Variants in SLCO2A1 observed in about 807,000 individuals in gnomAD.
SLCO2A1 encodes solute carrier organic anion transporter family member 2A1, also known as matrin F/G 1.
In SLCO2A1, 60 loss-of-function variants were observed where a neutral mutation model predicts 71.7. That is an observed-to-expected ratio of 0.84 (90% CI 0.68 to 1.04). The LOEUF (loss-of-function observed/expected upper bound fraction) is 1.04, where lower values mean the gene tolerates loss of function less well. SLCO2A1 is among the 50% of genes least tolerant of loss of function. SLCO2A1 has a pLI of 0.00. For missense variants in SLCO2A1, 745 were observed against 813.4 expected (o/e 0.92, Z 1.02); for synonymous variants, 308 against 326.7 (o/e 0.94, Z 0.62).
At chr3:133,941,697 C>T (rs1933426447) in intron 11 of SLCO2A1, among the ~76,000 whole-genome samples, 1 of 152,124 alleles carries the variant, frequency 6.6e-6, no homozygotes, top group African/African-American at 2.4e-5. Context: ...TCCTCCCCTC[C>T]AGCTCTGGCC....
chr3:133,981,331 G>A (rs1227257654), intron 1 of SLCO2A1, among the ~76,000 whole-genome samples: 6 of 152,268 alleles, frequency 3.9e-5, no homozygotes, highest in South Asian at 4.2e-4. Context: ...AAATTGCCTC[G>A]TTCCTAGGTC....
chr3:133,934,836 G>A lies in SLCO2A1; in HGVS notation c.1815-6C>T. On this transcript the variant is annotated splice_polypyrimidine_tract_variant and splice_region_variant and intron_variant, in intron 13 of 13. Transcript: ENST00000310926. ...CCATCTGCAGGCCCAGGTACCTGTG[G>A]GCAGGAGGAGGCAGGACTGGTGAGG... 1 of 1,603,266 alleles carries A rather than the reference G, an allele frequency of 6.2e-7. No individual in the cohort carries two copies. The highest frequency in any genetic ancestry group is 2.2e-5 in the East Asian group (1 of 44,812).
At chr3:134,007,925 T>C (rs62272009) in intron 1 of SLCO2A1, among the ~76,000 whole-genome samples, 17,962 of 152,290 alleles carry the variant, frequency 0.12, 1,247 homozygotes, top group South Asian at 0.28. Flanking sequence ...AGTTCTGCCA[T>C]GTATTTAAAT....
chr3:133,944,949 TG>T, intron 10 of SLCO2A1, 145 bp downstream of exon 10: 1 of 930,838 alleles, frequency 1.1e-6, no homozygotes, highest in Non-Finnish European at 1.6e-6. Flanking sequence ...AGGTTGGATG[TG>T]GCTCAGAGGA....
At chr3:133,953,808 T>G (rs772373369) in intron 4 of SLCO2A1, 47 bp from the exon 5 acceptor site, 1 of 1,510,996 alleles carries the variant, frequency 6.6e-7, no homozygotes, top group South Asian at 1.1e-5. Context: ...ATGGAGAGAG[T>G]TTGGCAGCCT....
chr3:134,018,388 T>G (rs1259282489), intron 1 of SLCO2A1, among the ~76,000 whole-genome samples: 1 of 152,140 alleles, frequency 6.6e-6, no homozygotes, highest in Non-Finnish European at 1.5e-5. Flanking sequence ...CCAAGATGCC[T>G]CCCCATTGCT....
chr3:133,953,840 A>T, intron 4 of SLCO2A1, 79 bp from the exon 5 acceptor site: 1 of 1,063,242 alleles, frequency 9.4e-7, no homozygotes, highest in Non-Finnish European at 1.5e-6. Context: ...GCTGAGGGGG[A>T]GTCTTGAGAT....
intron 1 of SLCO2A1, among the ~76,000 whole-genome samples, chr3:134,021,997 G>A (rs146875485): frequency 8.2e-6 from 1 of 122,136 alleles, no homozygotes; most frequent in Non-Finnish European, 1.7e-5. Context: ...AAAAAAAAAA[G>A]TAAAAAAAAA....
rs147996612 is a variant in SLCO2A1, at chr3:134,006,036, T to A, written c.96+23671A>T. 6.3e-3 allele frequency among the ~76,000 whole-genome samples: 964 copies of A among 152,206 alleles called. 9 individuals carry two copies. Among genetic ancestry groups the A allele is most frequent in the African/African-American group, 0.022 (901 of 41,520 alleles). ...TTTAAAAATTGTGATAAAATGTGTG[T>A]AACATAAAACTTGCCATCTTACCCT... is the stretch of plus-strand genomic sequence containing the variant. On this transcript the variant is annotated intron_variant, in intron 1 of 13. Transcript: ENST00000310926.
intron 1 of SLCO2A1, among the ~76,000 whole-genome samples, chr3:133,987,497 C>G (rs897106366): frequency 6.6e-6 from 1 of 151,978 alleles, no homozygotes; most frequent in African/African-American, 2.4e-5. Context: ...TACCTATAAA[C>G]TGGAAGTCCT....
intron 1 of SLCO2A1, among the ~76,000 whole-genome samples, chr3:133,980,167 T>G (rs1559944275): frequency 6.6e-6 from 1 of 152,248 alleles, no homozygotes; most frequent in African/African-American, 2.4e-5. Context: ...TAAGGCACCA[T>G]GATGCAATCC....
chr3:134,011,864 A>G (rs1313959805), intron 1 of SLCO2A1, among the ~76,000 whole-genome samples: 1 of 152,124 alleles, frequency 6.6e-6, no homozygotes, highest in Non-Finnish European at 1.5e-5. Flanking sequence ...GAGCAGTGAG[A>G]GCTGGGGTGT....
chr3:133,962,830 C>A (rs1357936974), intron 3 of SLCO2A1, among the ~76,000 whole-genome samples: 2 of 152,196 alleles, frequency 1.3e-5, no homozygotes, highest in African/African-American at 4.8e-5. Flanking sequence ...AACATGCCTG[C>A]CTTTTCCTGC....
At chr3:134,011,253 A>G (rs1032739614) in intron 1 of SLCO2A1, among the ~76,000 whole-genome samples, 5 of 152,058 alleles carry the variant, frequency 3.3e-5, no homozygotes, top group African/African-American at 1.2e-4. Flanking sequence ...GTTTCACCAT[A>G]TTGGCTAGGC....
chr3:133,981,411 C>T (rs1000520818), intron 1 of SLCO2A1, among the ~76,000 whole-genome samples: 10 of 152,172 alleles, frequency 6.6e-5, no homozygotes, highest in Non-Finnish European at 1.3e-4. Context: ...GTTTTCCCAA[C>T]TGCAAGGTAA....
At chr3:133,980,934 G>A (rs1934574140) in intron 1 of SLCO2A1, among the ~76,000 whole-genome samples, 1 of 152,218 alleles carries the variant, frequency 6.6e-6, no homozygotes, top group Admixed American at 6.5e-5. Context: ...GGTGGTAGAA[G>A]GAAGCCTGCC....
At chr3:133,996,466 G>A (rs1318261454) in intron 1 of SLCO2A1, among the ~76,000 whole-genome samples, 1 of 152,234 alleles carries the variant, frequency 6.6e-6, no homozygotes, top group Non-Finnish European at 1.5e-5. Context: ...TGCTCTGACA[G>A]TGGAGTTGCT....
At chr3:133,996,179 G>T (rs186579169) in intron 1 of SLCO2A1, among the ~76,000 whole-genome samples, 61 of 152,328 alleles carry the variant, frequency 4.0e-4, no homozygotes, top group Non-Finnish European at 7.8e-4. Flanking sequence ...CTGGCAGGAT[G>T]GGGAAGGAGC....
intron 1 of SLCO2A1, among the ~76,000 whole-genome samples, chr3:134,023,772 C>G (rs1935643937): frequency 6.6e-6 from 1 of 152,196 alleles, no homozygotes; most frequent in South Asian, 2.1e-4. Context: ...TAAACAAAAG[C>G]AATTGTTATG....
Sources: allele counts gnomAD v4.1 joint callset (sites outside exome capture counted in the v4.1 genomes callset), GRCh38; gene constraint gnomAD v4.1.1; transcripts MANE v1.5; gene names NCBI Gene and HGNC (gene_info 2026-07-23, HGNC 2026-07-21).